OCA2: variants seen among roughly 807,000 people sequenced by gnomAD.
OCA2 encodes the protein P protein.
In OCA2, 77 loss-of-function variants were observed where a neutral mutation model predicts 100.2. The observed-to-expected ratio is 0.77, with a 90% confidence interval of 0.64 to 0.93. OCA2 has a LOEUF of 0.93. Ranked by LOEUF, OCA2 falls within the 40% of genes least tolerant of loss-of-function variation. The pLI, the probability that OCA2 is intolerant of heterozygous loss-of-function variation, is 0.00. For synonymous variants in OCA2, 432 were observed against 439.2 expected, an observed-to-expected ratio of 0.98 and a Z score of 0.21; for missense variants, 1,062 against 1,089.1, an observed-to-expected ratio of 0.98 and a Z score of 0.35.
In OCA2 at chr15:27,788,651, T is replaced by A. The variant is rs954568406; in HGVS notation, c.2433-33179A>T. On this transcript the variant is annotated intron_variant, in intron 23 of 23. Coordinates refer to ENST00000354638, the MANE Select transcript of OCA2 (RefSeq NM_000275.3). Reference sequence around the variant, plus strand: ...AACAGATTAGAGTGAAACCCTTTTTTAAAAATCTAGTTTGTAAATCTATGC... The same window carrying A: ...AACAGATTAGAGTGAAACCCTTTTTAAAAAATCTAGTTTGTAAATCTATGC... 5.9e-5 allele frequency among the ~76,000 whole-genome samples: 9 copies of A among 152,140 alleles called. No homozygotes were observed. The East Asian group carries it at 1.5e-3, about 26-fold the overall frequency.
intron 1 of OCA2, among the ~76,000 whole-genome samples, chr15:28,089,494 A>G (rs1334646014): frequency 6.6e-6 from 1 of 152,198 alleles, no homozygotes; most frequent in Non-Finnish European, 1.5e-5. Context: ...TTCACAATTT[A>G]TGTTCTTCTA....
chr15:28,055,468 G>A (rs763398785), intron 2 of OCA2, among the ~76,000 whole-genome samples: 11 of 152,156 alleles, frequency 7.2e-5, no homozygotes, highest in Admixed American at 1.3e-4. Context: ...GCAGAAGTTC[G>A]AGGGCTTTGG....
At chr15:27,758,318 A>C (rs563968646) in intron 23 of OCA2, among the ~76,000 whole-genome samples, 5 of 152,212 alleles carry the variant, frequency 3.3e-5, no homozygotes, top group Non-Finnish European at 7.3e-5. Context: ...ACTCCTAGAT[A>C]ATAACCACTC....
chr15:28,045,521 C>T (rs2043322600), intron 2 of OCA2, among the ~76,000 whole-genome samples: 1 of 151,090 alleles, frequency 6.6e-6, no homozygotes, highest in Non-Finnish European at 1.5e-5. Flanking sequence ...ATTTACAAAG[C>T]TGTCAGTGTT....
intron 15 of OCA2, among the ~76,000 whole-genome samples, chr15:27,961,726 C>G (rs947315288): frequency 9.9e-5 from 15 of 152,094 alleles, no homozygotes; most frequent in Admixed American, 9.2e-4. Context: ...AATGTTCTCA[C>G]TCATAAGTGG....
At chr15:27,770,858 CT>C (rs1566949097) in intron 23 of OCA2, among the ~76,000 whole-genome samples, 26 of 98,760 alleles carry the variant, frequency 2.6e-4, no homozygotes, top group African/African-American at 1.2e-3. Flanking sequence ...TCCTTCCTTT[CT>C]TCCTTCCTTC....
intron 1 of OCA2, among the ~76,000 whole-genome samples, chr15:28,097,492 G>A (rs928376409): frequency 6.6e-6 from 1 of 152,190 alleles, no homozygotes; most frequent in African/African-American, 2.4e-5. Flanking sequence ...TGGCCTCCAG[G>A]CTCTGGGCTT....
chr15:27,847,026 C>G (rs1001184094), intron 22 of OCA2, among the ~76,000 whole-genome samples: 8 of 152,130 alleles, frequency 5.3e-5, no homozygotes, highest in African/African-American at 1.7e-4. Context: ...CTGCTCTCCC[C>G]CAGAGGCCCT....
chr15:27,812,716 C>T (rs1232498489), intron 23 of OCA2, among the ~76,000 whole-genome samples: 2 of 152,040 alleles, frequency 1.3e-5, no homozygotes, highest in Non-Finnish European at 2.9e-5. Flanking sequence ...AAAAGAGAGC[C>T]CCCTTTTGCT....
At chr15:28,060,088 T>C (rs1224212120) in intron 2 of OCA2, among the ~76,000 whole-genome samples, 5 of 152,222 alleles carry the variant, frequency 3.3e-5, no homozygotes. Flanking sequence ...CTCCCACCCC[T>C]GGTGCCAGCA....
At position 27,906,608 on chromosome 15, in the gene OCA2, C is replaced by G. The variant is rs905686752; in HGVS notation, c.2079+19519G>C. ...ATCTCTGTTACATGTTCTAGTAAAA[C>G]TATAAGATTTCAAGGAAGAAGATAA... On this transcript the variant is annotated intron_variant, in intron 19 of 23. Transcript: ENST00000354638. Among the ~76,000 whole-genome samples the G allele has an allele frequency of 4.0e-5, 6 of 151,662 alleles. No individual in the cohort carries two copies. The South Asian group carries it at 1.3e-3, about 32-fold the overall frequency.
chr15:27,773,782 T>A (rs2151056997), intron 23 of OCA2, among the ~76,000 whole-genome samples: 1 of 152,342 alleles, frequency 6.6e-6, no homozygotes, highest in Non-Finnish European at 1.5e-5. Context: ...AGCTTTGGGA[T>A]CACAGCCATT....
intron 19 of OCA2, among the ~76,000 whole-genome samples, chr15:27,912,901 T>A (rs2038451824): frequency 6.6e-6 from 1 of 152,194 alleles, no homozygotes; most frequent in African/African-American, 2.4e-5. Context: ...GACATGCCAA[T>A]GTTTGTACCC....
At chr15:27,984,226 C>T (rs1205097707) in intron 13 of OCA2, among the ~76,000 whole-genome samples, 4 of 152,032 alleles carry the variant, frequency 2.6e-5, no homozygotes, top group African/African-American at 9.7e-5. Context: ...TCCACCATGG[C>T]CTCACACTAG....
At chr15:27,956,735 C>T (rs1043388080) in intron 16 of OCA2, among the ~76,000 whole-genome samples, 3 of 152,214 alleles carry the variant, frequency 2.0e-5, no homozygotes, top group African/African-American at 2.4e-5. Flanking sequence ...AGATGGGTCC[C>T]GGACCGGGGA....
intron 23 of OCA2, among the ~76,000 whole-genome samples, chr15:27,766,870 A>G (rs886197819): frequency 3.9e-5 from 6 of 152,154 alleles, no homozygotes; most frequent in African/African-American, 1.4e-4. Context: ...CGCCAAGTGA[A>G]AATGCTCTGT....
chr15:28,054,216 A>ATG (rs71932584), intron 2 of OCA2, among the ~76,000 whole-genome samples: 1 of 152,026 alleles, frequency 6.6e-6, no homozygotes, highest in African/African-American at 2.4e-5. Context: ...GTGTGTATGT[A>ATG]TGTGTATGTG....
At chr15:27,725,005 C>G in the OCA2 span, among the ~76,000 whole-genome samples, 1 of 152,068 alleles carries the variant, frequency 6.6e-6, no homozygotes, top group Non-Finnish European at 1.5e-5. Flanking sequence ...TATGCTCTTG[C>G]TTTCAGCCAA....
chr15:27,927,822 T>C (rs2140386415), intron 18 of OCA2, among the ~76,000 whole-genome samples: 1 of 139,288 alleles, frequency 7.2e-6, no homozygotes, highest in Admixed American at 8.0e-5. Context: ...GATGGAGTCT[T>C]ACTCTGTGGC....
Sources: gnomAD v4.1 joint callset for allele counts (sites outside exome capture counted in the v4.1 genomes callset) on GRCh38, gnomAD v4.1.1 for gene constraint, MANE v1.5 for transcripts, NCBI Gene and HGNC (gene_info 2026-07-23, HGNC 2026-07-21) for gene names.